The following CTNNA3 variants were observed in gnomAD, a reference collection of about 807,000 sequenced individuals.
The protein encoded by CTNNA3 is catenin alpha-3.
CTNNA3 carries 76 observed loss-of-function variants against 95.7 expected under a neutral mutation model. The ratio of observed to expected loss-of-function variants is 0.79; its 90% CI spans 0.66 to 0.96. The LOEUF is 0.96. Ranked by LOEUF, CTNNA3 falls within the 40% of genes least tolerant of loss-of-function variation. The pLI, the probability that CTNNA3 is intolerant of heterozygous loss-of-function variation, is 0.00. For synonymous variants in CTNNA3, 431 were observed against 374.4 expected, an observed-to-expected ratio of 1.15 and a Z score of -1.74; for missense variants, 1,191 against 1,089.8, an observed-to-expected ratio of 1.09 and a Z score of -1.31.
intron 13 of CTNNA3, among the ~76,000 whole-genome samples, chr10:66,170,048 G>A (rs569956869): frequency 1.2e-4 from 18 of 151,964 alleles, no homozygotes; most frequent in African/African-American, 2.9e-4. Flanking sequence ...ATTTATCTTC[G>A]TTTTTGTTGC....
rs1234319596 is a variant in CTNNA3 at position 66,244,036 on chromosome 10, C to T, written c.1884+36434G>A. On this transcript the variant is annotated intron_variant, in intron 13 of 17. Coordinates refer to ENST00000433211, the MANE Select transcript of CTNNA3 (RefSeq NM_013266.4). ...GAGCCCACTGCCCTAAAGGGTGAGT[C>T]CCAGACCTTGTAGCATTTACCACAA... Among the ~76,000 whole-genome samples the T allele has an allele frequency of 2.6e-5, 4 of 151,806 alleles. No individual in the cohort carries two copies. In the East Asian group the frequency reaches 5.8e-4, roughly 22 times the overall value.
At chr10:66,661,069 T>C (rs1187634119) in intron 9 of CTNNA3, among the ~76,000 whole-genome samples, 3 of 152,146 alleles carry the variant, frequency 2.0e-5, no homozygotes, top group Non-Finnish European at 4.4e-5. Context: ...GCTATAATTA[T>C]TATTCATAAA....
chr10:66,680,124 A>G (rs1030453775), intron 9 of CTNNA3, among the ~76,000 whole-genome samples: 1 of 151,838 alleles, frequency 6.6e-6, no homozygotes, highest in East Asian at 1.9e-4. Context: ...TAGCCTCCTG[A>G]GTAGCTGGGA....
intron 5 of CTNNA3, among the ~76,000 whole-genome samples, chr10:67,274,668 A>C (rs1010119756): frequency 1.3e-5 from 2 of 152,060 alleles, no homozygotes; most frequent in Admixed American, 6.6e-5. Flanking sequence ...TTTCTACAAA[A>C]ATACAAAAAA....
chr10:66,542,134 A>G (rs965854062), intron 10 of CTNNA3, among the ~76,000 whole-genome samples: 1 of 152,196 alleles, frequency 6.6e-6, no homozygotes, highest in African/African-American at 2.4e-5. Flanking sequence ...AGACACATGA[A>G]AAAATGCTCA....
At chr10:67,257,910 G>T (rs750953866) in intron 5 of CTNNA3, among the ~76,000 whole-genome samples, 4 of 152,090 alleles carry the variant, frequency 2.6e-5, no homozygotes, top group Non-Finnish European at 4.4e-5. Flanking sequence ...TAGCTGTTTA[G>T]ACTCTCCTTA....
intron 12 of CTNNA3, among the ~76,000 whole-genome samples, chr10:66,295,686 T>C (rs561918156): frequency 6.6e-6 from 1 of 152,278 alleles, no homozygotes; most frequent in South Asian, 2.1e-4. Context: ...AACTTTTTCC[T>C]CAGTGACTGC....
intron 13 of CTNNA3, among the ~76,000 whole-genome samples, chr10:66,213,709 G>A (rs1362223988): frequency 1.3e-5 from 2 of 152,110 alleles, no homozygotes; most frequent in Non-Finnish European, 2.9e-5. Flanking sequence ...TTATTTCACA[G>A]TATTTCCTAG....
intron 12 of CTNNA3, among the ~76,000 whole-genome samples, chr10:66,301,598 A>G (rs1230606970): frequency 1.3e-5 from 2 of 151,984 alleles, no homozygotes; most frequent in African/African-American, 4.8e-5. Context: ...ATAATCCATC[A>G]TATCATTAGG....
At chr10:66,950,424 G>A (rs990286091) in intron 7 of CTNNA3, among the ~76,000 whole-genome samples, 13 of 151,918 alleles carry the variant, frequency 8.6e-5, no homozygotes, top group Middle Eastern at 3.2e-3. Context: ...TTTAATAAAT[G>A]TCTGTTTAAA....
intron 1 of CTNNA3, among the ~76,000 whole-genome samples, chr10:67,727,677 T>G (rs181320108): frequency 2.0e-4 from 25 of 127,898 alleles, no homozygotes; most frequent in African/African-American, 7.0e-4. Flanking sequence ...ATATAATATA[T>G]AAATATATAA....
intron 13 of CTNNA3, among the ~76,000 whole-genome samples, chr10:66,208,102 C>G (rs140025233): frequency 6.6e-6 from 1 of 151,968 alleles, no homozygotes; most frequent in South Asian, 2.1e-4. Flanking sequence ...AATTTTCCAA[C>G]CCACTTATAG....
intron 5 of CTNNA3, among the ~76,000 whole-genome samples, chr10:67,366,376 A>C (rs1843219643): frequency 4.3e-5 from 1 of 23,438 alleles, no homozygotes; most frequent in African/African-American, 4.9e-5. Context: ...TAAAATAAAG[A>C]AAAGAAATTC....
chr10:66,590,071 A>G (rs1843496465), intron 10 of CTNNA3, among the ~76,000 whole-genome samples: 1 of 152,156 alleles, frequency 6.6e-6, no homozygotes, highest in Non-Finnish European at 1.5e-5. Flanking sequence ...GTGAACTGCT[A>G]ATTCAATGGT....
chr10:66,821,976 T>C (rs1842317860), intron 7 of CTNNA3, among the ~76,000 whole-genome samples: 1 of 151,946 alleles, frequency 6.6e-6, no homozygotes, highest in African/African-American at 2.4e-5. Flanking sequence ...CTGAATATTT[T>C]TTGAAGCACA....
chr10:66,520,745 G>A lies in CTNNA3; in HGVS notation c.1403C>T (p.Ala468Val). ...QIINAALALA[A>V]RPKSQAVKNT... is the part of the protein sequence containing the mutation. ...TTTGACCGCTTGACTTTTGGGTCTT[G>A]CAGCCAAAGCAAGTGCAGCATTAAT... The change falls in exon 11 of 18, where the codon GCA becomes GTA. Residue 468 changes from alanine to valine, a missense_variant. Transcript: ENST00000433211. 1 of 1,612,594 alleles carries A rather than the reference G, an allele frequency of 6.2e-7. No individual in the cohort carries two copies. The highest frequency in any genetic ancestry group is 8.5e-7 in the Non-Finnish European group (1 of 1,179,284).
At position 67,692,736 on chromosome 10, in the gene CTNNA3, T is replaced by TAAAAAAAAA. The variant is rs200961420; in HGVS notation, c.-6+3255_-6+3263dup. On this transcript the variant is annotated intron_variant, in intron 1 of 17. Coordinates refer to ENST00000433211, the MANE Select transcript of CTNNA3 (RefSeq NM_013266.4). ...GCGAGAAACACCCAAGAATGATCAA[T>TAAAAAAAAA]AAAAAAAAAAAAAAAAAAAAAAGTC... is the stretch of plus-strand genomic sequence containing the variant. Among the ~76,000 whole-genome samples, 30 of 80,824 alleles carry TAAAAAAAAA rather than the reference T, an allele frequency of 3.7e-4. 1 individual carries two copies. The highest frequency in any genetic ancestry group is 1.2e-3 in the African/African-American group (25 of 21,520). The allele number at this position is 80,824 out of a possible 152,430, so 53.0% of individuals were successfully genotyped here.
At chr10:66,145,204 T>C (rs1023181498) in intron 13 of CTNNA3, among the ~76,000 whole-genome samples, 4 of 152,166 alleles carry the variant, frequency 2.6e-5, no homozygotes, top group Non-Finnish European at 5.9e-5. Context: ...AGTATATCCA[T>C]ATGCCGTTCA....
chr10:66,273,044 C>G (rs1301809759), intron 13 of CTNNA3, among the ~76,000 whole-genome samples: 1 of 152,122 alleles, frequency 6.6e-6, no homozygotes, highest in Non-Finnish European at 1.5e-5. Flanking sequence ...TCTTTACAAC[C>G]CTACAGATAG....
Sources: allele counts gnomAD v4.1 joint callset (sites outside exome capture counted in the v4.1 genomes callset), GRCh38; gene constraint gnomAD v4.1.1; transcripts MANE v1.5; gene names NCBI Gene and HGNC (gene_info 2026-07-23, HGNC 2026-07-21).